PITPNC1: variants seen among roughly 807,000 people sequenced by gnomAD.
The protein encoded by PITPNC1 is cytoplasmic phosphatidylinositol transfer protein 1.
Under a neutral mutation model 44.7 loss-of-function variants are expected in PITPNC1, and 18 were observed. The observed-to-expected ratio is 0.40, with a 90% confidence interval of 0.28 to 0.60. The LOEUF is 0.60. Ranked by LOEUF, PITPNC1 falls within the 20% of genes least tolerant of loss-of-function variation. The pLI, the probability that PITPNC1 is intolerant of heterozygous loss-of-function variation, is 0.39. For missense variants in PITPNC1, 290 were observed against 418.4 expected (o/e 0.69, Z 2.68); for synonymous variants, 141 against 149.6 (o/e 0.94, Z 0.42).
chr17:67,559,196 G>A (rs1469342062), intron 4 of PITPNC1, among the ~76,000 whole-genome samples: 1 of 152,100 alleles, frequency 6.6e-6, no homozygotes, highest in East Asian at 1.9e-4. Flanking sequence ...CTGAGTCCCA[G>A]CCAAGGGGCA....
At chr17:67,587,819 T>C (rs1406769797) in intron 5 of PITPNC1, among the ~76,000 whole-genome samples, 4 of 152,168 alleles carry the variant, frequency 2.6e-5, no homozygotes, top group South Asian at 2.1e-4. Flanking sequence ...TTCGGGTAAA[T>C]TGCATAAACA....
chr17:67,610,054 C>T (rs752173708), intron 5 of PITPNC1, among the ~76,000 whole-genome samples: 3 of 152,162 alleles, frequency 2.0e-5, no homozygotes, highest in Non-Finnish European at 4.4e-5. Context: ...GACCTTCTGT[C>T]GCCCGGCCAC....
intron 2 of PITPNC1, among the ~76,000 whole-genome samples, chr17:67,547,688 G>A (rs1263362714): frequency 6.6e-6 from 1 of 152,086 alleles, no homozygotes; most frequent in Non-Finnish European, 1.5e-5. Context: ...AGGTACCAGG[G>A]GGAGTTTTGA....
intron 1 of PITPNC1, among the ~76,000 whole-genome samples, chr17:67,431,701 C>G (rs2038859854): frequency 6.6e-6 from 1 of 152,124 alleles, no homozygotes; most frequent in South Asian, 2.1e-4. Flanking sequence ...TATAGACTTT[C>G]CCTCACCACA....
At chr17:67,604,924 A>G (rs866292500) in intron 5 of PITPNC1, among the ~76,000 whole-genome samples, 1 of 151,930 alleles carries the variant, frequency 6.6e-6, no homozygotes, top group Non-Finnish European at 1.5e-5. Context: ...TACTAAAAAT[A>G]AAAAATTAGC....
intron 7 of PITPNC1, among the ~76,000 whole-genome samples, chr17:67,673,899 C>T (rs991935232): frequency 7.8e-5 from 11 of 140,858 alleles, no homozygotes; most frequent in South Asian, 4.4e-4. Flanking sequence ...TACAGTGAGC[C>T]GAGATCGCAG....
At chr17:67,620,059 GT>G (rs2041810501) in intron 5 of PITPNC1, among the ~76,000 whole-genome samples, 1 of 151,880 alleles carries the variant, frequency 6.6e-6, no homozygotes, top group Admixed American at 6.6e-5. Flanking sequence ...ATTTGTTTTT[GT>G]TGTTGTTTTT....
intron 8 of PITPNC1, chr17:67,687,294 G>T: frequency 1.5e-6 from 1 of 659,442 alleles, no homozygotes; most frequent in Non-Finnish European, 2.7e-6. Flanking sequence ...GAAACATGTC[G>T]TCACCCAGAC....
At chr17:67,496,307 G>T (rs2039951792) in intron 1 of PITPNC1, among the ~76,000 whole-genome samples, 1 of 152,094 alleles carries the variant, frequency 6.6e-6, no homozygotes, top group Admixed American at 6.5e-5. Flanking sequence ...ACAAGTTCTT[G>T]TATGCGGTTA....
intron 5 of PITPNC1, 44 bp from the exon 6 acceptor site, chr17:67,632,099 C>A: frequency 8.1e-7 from 1 of 1,236,952 alleles, no homozygotes; most frequent in Non-Finnish European, 1.2e-6. Flanking sequence ...TGGAGGGTAA[C>A]ACCTGCTATC....
At chr17:67,408,744 C>CTTTCTTTCTT (rs1567978481) in intron 1 of PITPNC1, 1 of 125,034 alleles carries the variant, frequency 8.0e-6, no homozygotes, top group African/African-American at 3.5e-5. Flanking sequence ...CTTTCTTTCT[C>CTTTCTTTCTT]TCTTTCTTTC....
rs73996723 is a variant in PITPNC1, at chr17:67,484,418, G to A, written c.49-48384G>A. On this transcript the variant is annotated intron_variant, in intron 1 of 8. Coordinates refer to ENST00000581322, the MANE Select transcript of PITPNC1 (RefSeq NM_012417.4). ...GGTTTTGTTAGTCCAAATTGGAACCGTCTTGACTTCGCATCAAATCATTCA... is the reference window on the plus strand; with the variant it reads ...GGTTTTGTTAGTCCAAATTGGAACCATCTTGACTTCGCATCAAATCATTCA... Among the ~76,000 whole-genome samples, 929 of 152,284 alleles carry A rather than the reference G, an allele frequency of 6.1e-3. 15 individuals are homozygous for A. Among genetic ancestry groups the A allele is most frequent in the African/African-American group, 0.022 (910 of 41,556 alleles).
intron 5 of PITPNC1, among the ~76,000 whole-genome samples, chr17:67,594,588 G>T (rs1430625524): frequency 6.6e-6 from 1 of 152,146 alleles, no homozygotes; most frequent in African/African-American, 2.4e-5. Flanking sequence ...TGGGGATTCT[G>T]GTTTCAGACA....
chr17:67,571,951 C>A (rs947372225), intron 4 of PITPNC1, among the ~76,000 whole-genome samples: 1 of 152,212 alleles, frequency 6.6e-6, no homozygotes, highest in East Asian at 1.9e-4. Context: ...GATGTGTGCA[C>A]CAGTGGCTGG....
At chr17:67,646,555 C>A (rs1443952166) in intron 6 of PITPNC1, among the ~76,000 whole-genome samples, 1 of 152,186 alleles carries the variant, frequency 6.6e-6, no homozygotes, top group African/African-American at 2.4e-5. Flanking sequence ...TTTAGAGTCT[C>A]ACTGTCGCCC....
chr17:67,617,513 A>C (rs1417414714), intron 5 of PITPNC1, among the ~76,000 whole-genome samples: 1 of 152,210 alleles, frequency 6.6e-6, no homozygotes, highest in Non-Finnish European at 1.5e-5. Flanking sequence ...CAAAACAAAC[A>C]AACAAAATTA....
chr17:67,586,072 T>C (rs2041311894), intron 5 of PITPNC1, among the ~76,000 whole-genome samples: 1 of 152,124 alleles, frequency 6.6e-6, no homozygotes, highest in Non-Finnish European at 1.5e-5. Flanking sequence ...TTCCAGGAAC[T>C]GTTGGAAAAC....
At chr17:67,481,065 G>A (rs1380903175) in intron 1 of PITPNC1, among the ~76,000 whole-genome samples, 1 of 152,170 alleles carries the variant, frequency 6.6e-6, no homozygotes, top group African/African-American at 2.4e-5. Context: ...AAATTAGCTG[G>A]GCGCAGTGGT....
chr17:67,588,813 A>G (rs973613629), intron 5 of PITPNC1, among the ~76,000 whole-genome samples: 3 of 152,232 alleles, frequency 2.0e-5, no homozygotes, highest in African/African-American at 7.2e-5. Context: ...TGCAGAATCC[A>G]TATTTACAGG....
Sources: gnomAD v4.1 joint callset for allele counts (sites outside exome capture counted in the v4.1 genomes callset) on GRCh38, gnomAD v4.1.1 for gene constraint, MANE v1.5 for transcripts, NCBI Gene and HGNC (gene_info 2026-07-23, HGNC 2026-07-21) for gene names.